Variants in TM4SF1 observed in about 807,000 individuals in gnomAD.
TM4SF1 encodes transmembrane 4 L six family member 1.
A neutral mutation model predicts 24.5 loss-of-function variants in TM4SF1; 20 were observed. That is an observed-to-expected ratio of 0.82 (90% CI 0.57 to 1.19). The LOEUF (loss-of-function observed/expected upper bound fraction) is 1.19. Among genes scored for constraint, TM4SF1 ranks in the 50% most tolerant of loss-of-function variants. The pLI is 0.00. For missense variants in TM4SF1, 258 were observed against 248.1 expected, an observed-to-expected ratio of 1.04 and a Z score of -0.27; for synonymous variants, 107 against 95.4, an observed-to-expected ratio of 1.12 and a Z score of -0.71.
chr3:149,377,527 T>C lies in TM4SF1; in HGVS notation c.21A>G (p.Ala7=). The C allele has an allele frequency of 1.9e-6, 3 of 1,613,848 alleles. No homozygotes were observed. Among genetic ancestry groups the C allele is most frequent in the Non-Finnish European group, 2.5e-6 (3 of 1,179,984 alleles). Residue 7 remains alanine, a synonymous_variant, in exon 1 of 5, where the codon GCA becomes GCG. Transcript: ENST00000305366. ...CCACCAGAGAATGTCCGATGCATCG[T>C]GCACACTTCCCATAGCACATGGTGG... is the stretch of plus-strand genomic sequence containing the variant. MCYGKC[A]RCIGHSLVGL... is the part of the protein sequence containing the mutation.
At chr3:149,376,987 T>C (rs1178377256) in intron 1 of TM4SF1, among the ~76,000 whole-genome samples, 2 of 152,208 alleles carry the variant, frequency 1.3e-5, no homozygotes, top group Non-Finnish European at 2.9e-5. Context: ...AGAATTTGGA[T>C]TCAAAACTGT....
chr3:149,372,728 A>C (rs943417694), intron 3 of TM4SF1, among the ~76,000 whole-genome samples: 2 of 152,168 alleles, frequency 1.3e-5, no homozygotes, highest in Non-Finnish European at 2.9e-5. Flanking sequence ...GGTTCAAGCC[A>C]TTCTCCTGCC....
intron 1 of TM4SF1, among the ~76,000 whole-genome samples, chr3:149,377,062 G>A (rs971257807): frequency 5.9e-5 from 9 of 152,156 alleles, no homozygotes; most frequent in African/African-American, 1.4e-4. Context: ...ATGACTGCCC[G>A]TTCTAGTAGA....
At chr3:149,371,201 T>C (rs1731812543) in intron 4 of TM4SF1, 1 of 165,656 alleles carries the variant, frequency 6.0e-6, no homozygotes, top group African/African-American at 2.4e-5. Context: ...TAGGAGCTTT[T>C]GCACAGAGCG....
chr3:149,376,174 T>G (rs1340370849), intron 1 of TM4SF1, among the ~76,000 whole-genome samples: 1 of 152,246 alleles, frequency 6.6e-6, no homozygotes, highest in Non-Finnish European at 1.5e-5. Context: ...AACTGAAACT[T>G]TTTTGTAAAT....
Position 149,377,639 on chromosome 3 carries a change from C to A in TM4SF1, c.-92G>T, listed in dbSNP as rs889213600. 6.6e-7 allele frequency: 1 copy of A among 1,522,240 alleles called. No individual in the cohort carries two copies. The highest frequency in any genetic ancestry group is 8.8e-7 in the Non-Finnish European group (1 of 1,136,148). 94.3% of individuals were successfully genotyped at this position (1,522,240 alleles called of 1,614,324 possible). ...AAGTGTGCCCTTCTGGTGGAGAAAG[C>A]AAACACCACTCTCAGCCCATTCCTG... On this transcript the variant is annotated 5_prime_UTR_variant, in exon 1 of 5. Transcript: ENST00000305366.
At position 149,377,622 on chromosome 3, in the gene TM4SF1, CCTT is replaced by C. The variant is rs1731993949; in HGVS notation, c.-78_-76del. ...TACCCCAAATTAGATGAAAGTGTGC[CCTT>C]CTGGTGGAGAAAGCAAACACCACTC... On this transcript the variant is annotated 5_prime_UTR_variant, in exon 1 of 5. Coordinates refer to ENST00000305366, the MANE Select transcript of TM4SF1 (RefSeq NM_014220.3). 1 of 1,537,368 alleles carries C rather than the reference CCTT, an allele frequency of 6.5e-7. No individual in the cohort carries two copies. The highest frequency in any genetic ancestry group is 1.4e-5 in the African/African-American group (1 of 72,792).
intron 1 of TM4SF1, 24 bp from the exon 2 acceptor site, chr3:149,375,793 A>G (rs953381275): frequency 6.2e-7 from 1 of 1,612,662 alleles, no homozygotes; most frequent in African/African-American, 1.3e-5. Flanking sequence ...AAACAAAGTC[A>G]GGTCATTGTC....
At position 149,375,713 on chromosome 3, in the gene TM4SF1, G is replaced by A. The variant is rs763212950; in HGVS notation, c.234C>T (p.Cys78=). ...IGLEQDDCCG[C]CGHENCGKRC... ...GTTTGCCACAGTTTTCATGGCCACA[G>A]CAGCCACAGCAGTCATCCTGTTCCA... is the stretch of plus-strand genomic sequence containing the variant. The change falls in exon 2 of 5, where the codon TGC becomes TGT. Residue 78 remains cysteine, a synonymous_variant. Transcript: ENST00000305366. 3 of 1,614,084 alleles carry A rather than the reference G, an allele frequency of 1.9e-6. No individual in the cohort carries two copies. Among genetic ancestry groups the A allele is most frequent in the Admixed American group, 1.7e-5 (1 of 60,022 alleles).
intron 3 of TM4SF1, 141 bp downstream of exon 3, chr3:149,375,302 C>T: frequency 2.8e-6 from 3 of 1,061,160 alleles, no homozygotes; most frequent in South Asian, 1.6e-5. Flanking sequence ...ATTGCCTAAA[C>T]CATGCCTGAG....
Position 149,375,503 on chromosome 3 carries a change from C to T in TM4SF1, c.353G>A (p.Gly118Glu). 1 of 1,614,188 alleles carries T rather than the reference C, an allele frequency of 6.2e-7. No individual in the cohort carries two copies. Among genetic ancestry groups the T allele is most frequent in the African/African-American group, 1.3e-5 (1 of 75,026 alleles). ...GCCGAGGGAATCAAGACATAGTGGT[C>T]CTTCTGCTAAGCCAAGGGCTGCCAC... ...VIVAALGLAE[G>E]PLCLDSLGQW... Residue 118 changes from glycine (G) to glutamate (E), a missense_variant, in exon 3 of 5, where the codon GGA becomes GAA. Transcript: ENST00000305366.
chr3:149,371,398 G>A lies in TM4SF1; in HGVS notation c.594+289C>T, dbSNP rs1365341436. On this transcript the variant is annotated intron_variant, in intron 4 of 4. Transcript: ENST00000305366. Reference sequence around the variant, plus strand: ...ACTTTTTTTTCTGTCTCTGCAGCGAGAGCAGAGGCAGTGAATTAGATCCTG... The same window carrying A: ...ACTTTTTTTTCTGTCTCTGCAGCGAAAGCAGAGGCAGTGAATTAGATCCTG... 5 of 569,254 alleles carry A rather than the reference G, an allele frequency of 8.8e-6. No homozygotes were observed. The African/African-American group carries it at 9.4e-5, about 11-fold the overall frequency. The allele number at this position is 569,254 out of a possible 1,614,324, so 35.3% of individuals were successfully genotyped here.
In TM4SF1 at chr3:149,369,750, A is replaced by G. The variant is rs1177303094; in HGVS notation, c.*116T>C. The G allele has an allele frequency of 7.5e-7, 1 of 1,332,144 alleles. No homozygotes were observed. Among genetic ancestry groups the G allele is most frequent in the Non-Finnish European group, 1.0e-6 (1 of 957,742 alleles). The allele number at this position is 1,332,144 out of a possible 1,614,324, so 82.5% of individuals were successfully genotyped here. On this transcript the variant is annotated 3_prime_UTR_variant, in exon 5 of 5. Transcript: ENST00000305366. ...GCCAGTCTTTACAGGCGTTTGTAAA[A>G]GTAGACTGTGGGGAGTATGTTACAC...
rs1276843649 is a variant in TM4SF1 at position 149,369,768 on chromosome 3, T to C, written c.*98A>G. 6.7e-7 allele frequency: 1 copy of C among 1,501,452 alleles called. No individual in the cohort carries two copies. The highest frequency in any genetic ancestry group is 9.2e-7 in the Non-Finnish European group (1 of 1,089,152). The allele number at this position is 1,501,452 out of a possible 1,614,324, so 93.0% of individuals were successfully genotyped here. ...TTGTAAAAGTAGACTGTGGGGAGTA[T>C]GTTACACTAATACAAAGTTTTACAA... is the stretch of plus-strand genomic sequence containing the variant. On this transcript the variant is annotated 3_prime_UTR_variant, in exon 5 of 5. Transcript: ENST00000305366.
At chr3:149,377,326 T>C (rs758126138) in intron 1 of TM4SF1, 45 bp downstream of exon 1, 1 of 1,563,476 alleles carries the variant, frequency 6.4e-7, no homozygotes, top group Non-Finnish European at 8.6e-7. Context: ...AATGAAAACA[T>C]CTAGGAAACA....
Position 149,375,611 on chromosome 3 carries a change from G to C in TM4SF1, c.268-23C>G, listed in dbSNP as rs561929828. 3.7e-6 allele frequency: 6 copies of C among 1,614,170 alleles called. No homozygotes were observed. In the African/African-American group the frequency reaches 8.0e-5, roughly 22 times the overall value. On this transcript the variant is annotated intron_variant, in intron 2 of 4. Coordinates refer to ENST00000305366, the MANE Select transcript of TM4SF1 (RefSeq NM_014220.3). ...CATCTAGGGAAAAGCAGACACACAGGAAGTGAGCCACAGAGTGCCACAGCT... is the reference window on the plus strand; with the variant it reads ...CATCTAGGGAAAAGCAGACACACAGCAAGTGAGCCACAGAGTGCCACAGCT...
intron 3 of TM4SF1, among the ~76,000 whole-genome samples, chr3:149,374,570 TAAAA>T: frequency 6.6e-6 from 1 of 151,986 alleles, no homozygotes; most frequent in East Asian, 1.9e-4. Context: ...GGATAACTGA[TAAAA>T]AAAATAAGTA....
chr3:149,372,587 G>A (rs1000382146), intron 3 of TM4SF1, among the ~76,000 whole-genome samples: 1 of 152,164 alleles, frequency 6.6e-6, no homozygotes, highest in African/African-American at 2.4e-5. Context: ...TTTGCAACAG[G>A]AAGCAAATTC....
At chr3:149,376,243 A>C (rs541276577) in intron 1 of TM4SF1, among the ~76,000 whole-genome samples, 227 of 152,372 alleles carry the variant, frequency 1.5e-3, no homozygotes, top group African/African-American at 5.1e-3. Context: ...ATACAAATGC[A>C]TAGTTTTAAC....
Sources: gnomAD v4.1 joint callset for allele counts (sites outside exome capture counted in the v4.1 genomes callset) on GRCh38, gnomAD v4.1.1 for gene constraint, MANE v1.5 for transcripts, NCBI Gene and HGNC (gene_info 2026-07-23, HGNC 2026-07-21) for gene names.